The following GIGYF2 variants were observed in gnomAD, a reference collection of about 807,000 sequenced individuals.
The protein encoded by GIGYF2 is GRB10 interacting GYF protein 2.
Under a neutral mutation model 208.1 loss-of-function variants are expected in GIGYF2, and 25 were observed. The ratio of observed to expected loss-of-function variants is 0.12; its 90% CI spans 0.09 to 0.17. The LOEUF is 0.17. GIGYF2 is among the 10% of genes least tolerant of loss of function. The pLI is 1.00. For missense variants in GIGYF2, 1,302 were observed against 1,579.4 expected (o/e 0.82, Z 2.98); for synonymous variants, 534 against 543.8 (o/e 0.98, Z 0.25).
intron 3 of GIGYF2, among the ~76,000 whole-genome samples, chr2:232,745,724 T>C (rs781443039): frequency 6.6e-6 from 1 of 152,148 alleles, no homozygotes; most frequent in Non-Finnish European, 1.5e-5. Flanking sequence ...CTTACAACCT[T>C]AGTGAACTTA....
intron 15 of GIGYF2, among the ~76,000 whole-genome samples, chr2:232,807,546 G>A (rs1333856988): frequency 2.0e-5 from 3 of 152,024 alleles, no homozygotes; most frequent in Non-Finnish European, 2.9e-5. Flanking sequence ...AAAAGGAACC[G>A]TAATGCTAGT....
chr2:232,802,303 G>A (rs1700422079), intron 14 of GIGYF2, among the ~76,000 whole-genome samples: 1 of 152,028 alleles, frequency 6.6e-6, no homozygotes, highest in Admixed American at 6.6e-5. Flanking sequence ...TAGGGAAGTG[G>A]TGAAAGTGGG....
In GIGYF2 at chr2:232,787,427, T is replaced by TG. The variant is rs3217559; in HGVS notation, c.712+99dup. On this transcript the variant is annotated intron_variant, in intron 9 of 28. Transcript: ENST00000373563. ...GAAAAAGATAAACTGGCTTAAAAAA[T>TG]GTGGGGGTGGATTCATATTATTTAT... 205,592 of 1,068,128 alleles carry TG rather than the reference T, an allele frequency of 0.19. 22,014 individuals are homozygous for TG. The highest frequency in any genetic ancestry group is 0.21 in the Non-Finnish European group (150,715 of 709,278). The allele number at this position is 1,068,128 out of a possible 1,614,324, so 66.2% of individuals were successfully genotyped here. A position where few individuals can be genotyped will look rare whatever the true frequency, so the allele number is the denominator to read the frequency against.
chr2:232,704,865 T>TTA lies in GIGYF2; in HGVS notation c.-44+1377_-44+1378insAT, dbSNP rs1345369039. 3.1e-3 allele frequency among the ~76,000 whole-genome samples: 433 copies of TTA among 140,630 alleles called. 3 individuals carry two copies. The highest frequency in any genetic ancestry group is 0.011 in the African/African-American group (420 of 37,856). 92.3% of individuals were successfully genotyped at this position (140,630 alleles called of 152,430 possible). On this transcript the variant is annotated intron_variant, in intron 2 of 28. Coordinates refer to ENST00000373563, the MANE Select transcript of GIGYF2 (RefSeq NM_001103146.3). The stretch of plus-strand genomic sequence containing the variant: ...AAATTTTAACTTCTGGATTTTTTTT[T>TTA]TTTTTTTTTTTTGAGACAGAGTCTC...
At chr2:232,727,172 G>A (rs1304316359) in intron 2 of GIGYF2, among the ~76,000 whole-genome samples, 3 of 152,112 alleles carry the variant, frequency 2.0e-5, no homozygotes, top group African/African-American at 7.2e-5. Flanking sequence ...CACTATATTG[G>A]CCAGGCTGGT....
At chr2:232,848,365 G>A (rs1240848382) in intron 27 of GIGYF2, among the ~76,000 whole-genome samples, 1 of 152,168 alleles carries the variant, frequency 6.6e-6, no homozygotes, top group African/African-American at 2.4e-5. Context: ...GCGAAATCTG[G>A]TGGCTCATGT....
chr2:232,796,159 T>TATGGAA lies in GIGYF2; in HGVS notation c.1577_1578insATGGAA (p.Ile526_Pro527insTrpAsn). On this transcript the variant is annotated inframe_insertion, in exon 14 of 29. Transcript: ENST00000373563. ...GAGCACAGAGCTAAAGGAGTGTCGA[T>TATGGAA]TCCATTGATGCATGAAGCAATGCAG... is the stretch of plus-strand genomic sequence containing the variant. 1 of 1,601,676 alleles carries TATGGAA rather than the reference T, an allele frequency of 6.2e-7. No individual in the cohort carries two copies. Among genetic ancestry groups the TATGGAA allele is most frequent in the Non-Finnish European group, 8.6e-7 (1 of 1,168,586 alleles).
chr2:232,792,101 G>A (rs1700085735), intron 12 of GIGYF2, among the ~76,000 whole-genome samples: 1 of 152,128 alleles, frequency 6.6e-6, no homozygotes, highest in African/African-American at 2.4e-5. Flanking sequence ...TCTGGCATCT[G>A]CTTCCCTTTG....
At chr2:232,796,912 A>G (rs1202540772) in intron 14 of GIGYF2, among the ~76,000 whole-genome samples, 1 of 152,196 alleles carries the variant, frequency 6.6e-6, no homozygotes, top group Non-Finnish European at 1.5e-5. Context: ...GACAGGGATA[A>G]TATTTAAGCA....
At chr2:232,836,316 AT>A (rs1559160645) in intron 22 of GIGYF2, among the ~76,000 whole-genome samples, 7,337 of 34,208 alleles carry the variant, frequency 0.21, 2,085 homozygotes, top group Non-Finnish European at 0.29. Flanking sequence ...ATATATATAT[AT>A]ATATATATAT....
rs368188880 is a variant in GIGYF2, at chr2:232,847,495, A to G, written c.3608A>G (p.Gln1203Arg). ...CGTGCCAAACAGAAAGCCAACCAGC[A>G]GCGTCAGCAGCAGCAGCTGCCACAG... ...ERRAKQKANQQRQQQQLPQQQ... is the reference protein window; with the variant it reads ...ERRAKQKANQRRQQQQLPQQQ... The change falls in exon 27 of 29, where the codon CAG (glutamine) becomes CGG (arginine). Residue 1203 changes from glutamine (Q) to arginine (R), a missense_variant. By Grantham distance (43) the Gln-to-Arg change is conservative. This residue lies in a region of GIGYF2 where 701 missense variants were observed against 793.0 expected (regional missense o/e 0.88). Transcript: ENST00000373563. 6.3e-7 allele frequency: 1 copy of G among 1,587,676 alleles called. No homozygotes were observed. The highest frequency in any genetic ancestry group is 8.6e-7 in the Non-Finnish European group (1 of 1,165,392).
intron 3 of GIGYF2, among the ~76,000 whole-genome samples, chr2:232,746,055 T>C (rs1402773910): frequency 6.6e-6 from 1 of 152,068 alleles, no homozygotes; most frequent in Non-Finnish European, 1.5e-5. Context: ...GCCCAGAGTT[T>C]GAGACTAGGT....
chr2:232,780,404 G>A (rs1193466474), intron 8 of GIGYF2, among the ~76,000 whole-genome samples: 3 of 152,092 alleles, frequency 2.0e-5, no homozygotes, highest in East Asian at 1.9e-4. Context: ...TGCTTTTAAC[G>A]TAAGGACATA....
At chr2:232,731,136 T>C (rs1697474604) in intron 2 of GIGYF2, 2 of 152,168 alleles carry the variant, frequency 1.3e-5, no homozygotes, top group African/African-American at 4.8e-5. Flanking sequence ...TGCTTGAATC[T>C]GGGGCTTCGT....
At chr2:232,850,818 G>C (rs1349808689) in intron 28 of GIGYF2, among the ~76,000 whole-genome samples, 2 of 152,190 alleles carry the variant, frequency 1.3e-5, no homozygotes, top group Admixed American at 6.5e-5. Flanking sequence ...AAGAGAACCA[G>C]TATATGTTCA....
At chr2:232,778,303 G>A (rs1021707744) in intron 8 of GIGYF2, among the ~76,000 whole-genome samples, 2 of 152,136 alleles carry the variant, frequency 1.3e-5, no homozygotes, top group African/African-American at 2.4e-5. Context: ...TTTTTCCATA[G>A]TATACTTGGT....
At chr2:232,807,644 T>C (rs1700597961) in intron 15 of GIGYF2, among the ~76,000 whole-genome samples, 1 of 152,230 alleles carries the variant, frequency 6.6e-6, no homozygotes, top group Non-Finnish European at 1.5e-5. Context: ...CTCTCAGTAG[T>C]GTTCCTTTTG....
chr2:232,812,433 G>A lies in GIGYF2; in HGVS notation c.2049G>A (p.Val683=). The A allele has an allele frequency of 1.9e-6, 3 of 1,553,582 alleles. No individual in the cohort carries two copies. Among genetic ancestry groups the A allele is most frequent in the South Asian group, 1.1e-5 (1 of 89,852 alleles). ...QNIIPSVTRS[V]SVPDTGSIWE... is the part of the protein sequence containing the mutation. ...TCATTCCCTCAGTAACTAGGTCTGT[G>A]TCCGTGCCAGATACTGGCTCTATCT... is the stretch of plus-strand genomic sequence containing the variant. Residue 683 remains valine (V), a synonymous_variant, in exon 18 of 29, where the codon GTG becomes GTA. Coordinates refer to ENST00000373563, the MANE Select transcript of GIGYF2 (RefSeq NM_001103146.3).
At chr2:232,752,127 T>C (rs546594997) in intron 5 of GIGYF2, among the ~76,000 whole-genome samples, 29 of 152,332 alleles carry the variant, frequency 1.9e-4, no homozygotes, top group Middle Eastern at 3.4e-3. Flanking sequence ...TGGGATTTCC[T>C]GATGCATATT....
Sources: allele counts gnomAD v4.1 joint callset (sites outside exome capture counted in the v4.1 genomes callset), GRCh38; gene constraint gnomAD v4.1.1; regional missense constraint gnomAD v4.1.1; transcripts MANE v1.5; gene names NCBI Gene and HGNC (gene_info 2026-07-23, HGNC 2026-07-21).